Variants in TRIM2 observed in about 807,000 individuals in gnomAD.
TRIM2 encodes the protein tripartite motif containing 2.
TRIM2 carries 20 observed loss-of-function variants against 75.2 expected under a neutral mutation model. The observed-to-expected ratio is 0.27, with a 90% CI of 0.19 to 0.39. TRIM2 has a LOEUF of 0.39. Among genes scored for constraint, TRIM2 ranks in the 10% least tolerant of loss-of-function variants. The pLI, the probability that TRIM2 is intolerant of heterozygous loss-of-function variation, is 1.00. For missense variants in TRIM2, 660 were observed against 990.8 expected, an observed-to-expected ratio of 0.67 and a Z score of 4.48; for synonymous variants, 373 against 388.3, an observed-to-expected ratio of 0.96 and a Z score of 0.46.
At chr4:153,250,999 G>A (rs1484247602) in intron 1 of TRIM2, among the ~76,000 whole-genome samples, 1 of 152,212 alleles carries the variant, frequency 6.6e-6, no homozygotes, top group Non-Finnish European at 1.5e-5. Flanking sequence ...TGAAGGCCAG[G>A]CCACTTCTGG....
At chr4:153,158,815 G>A (rs1235483336) in intron 1 of TRIM2, among the ~76,000 whole-genome samples, 3 of 152,158 alleles carry the variant, frequency 2.0e-5, no homozygotes, top group Non-Finnish European at 2.9e-5. Context: ...AAGGTAAGCC[G>A]AGAAGGTGGA....
In TRIM2 at chr4:153,327,255, A is replaced by G. The variant is rs1770448593; in HGVS notation, c.2023-1275A>G. ...TGGCAAGTACGTAATGAATTCAGGA[A>G]GTAGCCATGACTCTTTCTTTTTTAT... On this transcript the variant is annotated intron_variant, in intron 10 of 11. Transcript: ENST00000338700. Among the ~76,000 whole-genome samples the G allele has an allele frequency of 2.0e-5, 3 of 152,310 alleles. No homozygotes were observed. The South Asian group carries it at 6.2e-4, about 32-fold the overall frequency.
At chr4:153,274,432 G>A (rs1184566299) in intron 2 of TRIM2, among the ~76,000 whole-genome samples, 1 of 152,186 alleles carries the variant, frequency 6.6e-6, no homozygotes, top group Non-Finnish European at 1.5e-5. Flanking sequence ...TCAGGAATGG[G>A]AGAGGATACA....
chr4:153,196,270 CCCA>C (rs1199347345), intron 1 of TRIM2, among the ~76,000 whole-genome samples: 19 of 148,668 alleles, frequency 1.3e-4, no homozygotes, highest in Non-Finnish European at 2.1e-4. Context: ...ACCACCCCCC[CCCA>C]CACACACACA....
intron 6 of TRIM2, chr4:153,308,328 A>T: frequency 7.4e-7 from 1 of 1,350,124 alleles, no homozygotes; most frequent in Non-Finnish European, 1.1e-6. Context: ...TTCCTTGTAG[A>T]CTCTGTTAAT....
intron 10 of TRIM2, among the ~76,000 whole-genome samples, chr4:153,328,224 C>T (rs1487415476): frequency 2.0e-5 from 3 of 152,132 alleles, no homozygotes; most frequent in Non-Finnish European, 4.4e-5. Flanking sequence ...AAAATTATAG[C>T]ACTTCTTACT....
intron 1 of TRIM2, among the ~76,000 whole-genome samples, chr4:153,257,119 C>T (rs548231104): frequency 1.9e-4 from 29 of 152,296 alleles, no homozygotes; most frequent in African/African-American, 7.0e-4. Context: ...CTGCGTTCAC[C>T]GTTTGCGTCC....
At chr4:153,182,644 G>T (rs1393836386) in intron 1 of TRIM2, among the ~76,000 whole-genome samples, 2 of 152,286 alleles carry the variant, frequency 1.3e-5, no homozygotes, top group African/African-American at 4.8e-5. Context: ...TATTTAGGGT[G>T]CACACAAATA....
intron 1 of TRIM2, among the ~76,000 whole-genome samples, chr4:153,184,385 T>C (rs752540146): frequency 6.6e-6 from 1 of 152,168 alleles, no homozygotes; most frequent in Non-Finnish European, 1.5e-5. Flanking sequence ...GCTCTTCTTA[T>C]AAGGACACTA....
In TRIM2 at chr4:153,275,991, A is replaced by G. The variant is rs1757938877; in HGVS notation, c.314A>G (p.Gln105Arg). 2 of 1,614,066 alleles carry G rather than the reference A, an allele frequency of 1.2e-6. No individual in the cohort carries two copies. Among genetic ancestry groups the G allele is most frequent in the African/African-American group, 1.3e-5 (1 of 74,924 alleles). Residue 105 changes from glutamine (Q) to arginine (R), a missense_variant, in exon 3 of 12, where the codon CAG becomes CGG. Physicochemically the swap from Gln to Arg is conservative, Grantham distance 43. Coordinates refer to ENST00000338700, the MANE Select transcript of TRIM2 (RefSeq NM_015271.5). The part of the protein sequence containing the change: ...ILPEKGVAAL[Q>R]NNFFITNLMD... Reference sequence around the variant, plus strand: ...CCCGAGAAAGGGGTGGCCGCGCTCCAGAACAATTTCTTCATCACAAACCTG... The same window carrying G: ...CCCGAGAAAGGGGTGGCCGCGCTCCGGAACAATTTCTTCATCACAAACCTG...
At chr4:153,223,515 G>C (rs546311660) in intron 1 of TRIM2, among the ~76,000 whole-genome samples, 1 of 152,284 alleles carries the variant, frequency 6.6e-6, no homozygotes, top group South Asian at 2.1e-4. Context: ...GGGCTTATTA[G>C]AGCAGGGAGA....
At chr4:153,281,676 T>C (rs1174831597) in intron 3 of TRIM2, among the ~76,000 whole-genome samples, 1 of 152,234 alleles carries the variant, frequency 6.6e-6, no homozygotes, top group Non-Finnish European at 1.5e-5. Flanking sequence ...TTGGCACGTG[T>C]GGATGAAAGC....
intron 1 of TRIM2, among the ~76,000 whole-genome samples, chr4:153,208,003 A>C (rs1735944585): frequency 6.6e-6 from 1 of 152,186 alleles, no homozygotes. Flanking sequence ...GTGGTTTGAA[A>C]AGTTCACTTC....
At chr4:153,206,012 G>A (rs4696436) in intron 1 of TRIM2, among the ~76,000 whole-genome samples, 19,902 of 152,178 alleles carry the variant, frequency 0.13, 1,764 homozygotes, top group African/African-American at 0.24. Flanking sequence ...TCTCCCAGGT[G>A]GGGTGGAGGC....
Position 153,300,612 on chromosome 4 carries a change from G to A in TRIM2, c.1510+4576G>A, listed in dbSNP as rs554435736. 2.0e-5 allele frequency among the ~76,000 whole-genome samples: 3 copies of A among 152,088 alleles called. No homozygotes were observed. The East Asian group carries it at 5.8e-4, about 29-fold the overall frequency. The stretch of plus-strand genomic sequence containing the variant: ...GCTGGTGTGCAGTGGCGTGATCTCA[G>A]CTTACTGTAACCTCTGCCTCCCAGT... On this transcript the variant is annotated intron_variant, in intron 6 of 11. Coordinates refer to ENST00000338700, the MANE Select transcript of TRIM2 (RefSeq NM_015271.5).
At chr4:153,237,119 C>T (rs949220620) in intron 1 of TRIM2, among the ~76,000 whole-genome samples, 16 of 152,068 alleles carry the variant, frequency 1.1e-4, no homozygotes, top group Non-Finnish European at 7.4e-5. Flanking sequence ...GTTGTGCTTT[C>T]TGCTTGCTAA....
At position 153,154,950 on chromosome 4, in the gene TRIM2, G is replaced by A. The variant is rs537239164; in HGVS notation, c.-49+1680G>A. ...AGGTCAGGAGTTCAAGACCAGCCTG[G>A]CCAAAATGGTGAAACTCCGTCTCTA... On this transcript the variant is annotated intron_variant, in intron 1 of 11. Transcript: ENST00000437508. 2.4e-4 allele frequency among the ~76,000 whole-genome samples: 37 copies of A among 152,262 alleles called. No homozygotes were observed. In the South Asian group the frequency reaches 3.1e-3, roughly 13 times the overall value.
chr4:153,324,460 G>T, intron 10 of TRIM2: 1 of 209,324 alleles, frequency 4.8e-6, no homozygotes, highest in Non-Finnish European at 9.4e-6. Flanking sequence ...ATGTTTTGTG[G>T]CTAGTCAATA....
chr4:153,222,421 G>GC (rs2149765797), intron 1 of TRIM2: 1 of 152,362 alleles, frequency 6.6e-6, no homozygotes, highest in South Asian at 2.1e-4. Context: ...CCCTTTTCCT[G>GC]CCCCGCTGTG....
Sources: allele counts gnomAD v4.1 joint callset (sites outside exome capture counted in the v4.1 genomes callset), GRCh38; gene constraint gnomAD v4.1.1; transcripts MANE v1.5; gene names NCBI Gene and HGNC (gene_info 2026-07-23, HGNC 2026-07-21).